The following SLC26A4 variants were observed in gnomAD, a reference collection of about 807,000 sequenced individuals.
SLC26A4 encodes the protein solute carrier family 26 member 4, also known as pendrin.
Under a neutral mutation model 90.4 loss-of-function variants are expected in SLC26A4, and 93 were observed. The observed-to-expected ratio is 1.03, with a 90% CI of 0.87 to 1.22. The LOEUF (loss-of-function observed/expected upper bound fraction) is 1.22, where lower values mean the gene tolerates loss of function less well. Among genes scored for constraint, SLC26A4 ranks in the 50% most tolerant of loss-of-function variants. The pLI is 0.00. For missense variants in SLC26A4, 1,127 were observed against 946.2 expected, an observed-to-expected ratio of 1.19 and a Z score of -2.51; for synonymous variants, 393 against 354.6, an observed-to-expected ratio of 1.11 and a Z score of -1.22.
intron 6 of SLC26A4, among the ~76,000 whole-genome samples, chr7:107,679,015 A>G (rs1450428133): frequency 1.3e-5 from 2 of 152,246 alleles, no homozygotes; most frequent in East Asian, 3.8e-4. Context: ...GAAGTAACAA[A>G]TGCAAAGAAA....
intron 3 of SLC26A4, among the ~76,000 whole-genome samples, chr7:107,666,380 C>A (rs1300163198): frequency 1.3e-5 from 2 of 152,066 alleles, no homozygotes; most frequent in Non-Finnish European, 2.9e-5. Flanking sequence ...TGCCACCATG[C>A]TTGGCTAATT....
chr7:107,687,987 T>C (rs1030676910), intron 8 of SLC26A4, among the ~76,000 whole-genome samples: 1 of 152,116 alleles, frequency 6.6e-6, no homozygotes, highest in African/African-American at 2.4e-5. Flanking sequence ...AAAATTAACC[T>C]CACTGGTAGG....
At chr7:107,685,085 G>C (rs563952670) in intron 8 of SLC26A4, among the ~76,000 whole-genome samples, 1 of 152,218 alleles carries the variant, frequency 6.6e-6, no homozygotes, top group South Asian at 2.1e-4. Context: ...GGTCAGCTTG[G>C]TCAGCTAATT....
intron 10 of SLC26A4, 76 bp from the exon 11 acceptor site, chr7:107,694,327 C>T (rs1198458667): frequency 9.2e-7 from 1 of 1,089,428 alleles, no homozygotes; most frequent in Non-Finnish European, 1.4e-6. Flanking sequence ...CAGGCTGTCT[C>T]ATACACACAT....
rs146393965 is a variant in SLC26A4 at position 107,704,048 on chromosome 7, A to G, written c.2035-283A>G. The stretch of plus-strand genomic sequence containing the variant: ...CCAATCAGCAGGGCCTATATTAAGA[A>G]GCCTCCTGTACTCTCTTCTTTCCAC... On this transcript the variant is annotated intron_variant, in intron 17 of 20. Coordinates refer to ENST00000644269, the MANE Select transcript of SLC26A4 (RefSeq NM_000441.2). 2.6e-5 allele frequency among the ~76,000 whole-genome samples: 4 copies of G among 152,310 alleles called. No individual in the cohort carries two copies. In the East Asian group the frequency reaches 7.7e-4, roughly 29 times the overall value.
At chr7:107,711,984 A>T (rs894044457) in intron 19 of SLC26A4, among the ~76,000 whole-genome samples, 1 of 152,214 alleles carries the variant, frequency 6.6e-6, no homozygotes, top group African/African-American at 2.4e-5. Context: ...TCCATGCAAA[A>T]CACAAAGCCA....
At chr7:107,708,547 G>A (rs2129319586) in intron 18 of SLC26A4, among the ~76,000 whole-genome samples, 1 of 152,154 alleles carries the variant, frequency 6.6e-6, no homozygotes, top group East Asian at 1.9e-4. Flanking sequence ...TGCCAAGCTA[G>A]AGTTAAGTTT....
rs199539680 is a variant in SLC26A4 at position 107,679,872 on chromosome 7, A to ATAT, written c.766-3326_766-3324dup. Among the ~76,000 whole-genome samples, 40 of 126,712 alleles carry ATAT rather than the reference A, an allele frequency of 3.2e-4. 3 individuals carry two copies. The highest frequency in any genetic ancestry group is 1.2e-3 in the African/African-American group (35 of 29,398). 83.1% of individuals were successfully genotyped at this position (126,712 alleles called of 152,430 possible). On this transcript the variant is annotated intron_variant, in intron 6 of 20. Transcript: ENST00000644269. ...TTATATTATTATATTATATAATCTT[A>ATAT]TATTATATAATCTTATCTTATATAA...
At chr7:107,671,162 CT>C (rs912172530) in intron 3 of SLC26A4, among the ~76,000 whole-genome samples, 46 of 150,438 alleles carry the variant, frequency 3.1e-4, no homozygotes, top group African/African-American at 4.1e-4. Flanking sequence ...TTGACCAAAA[CT>C]TTTTTTTTTC....
In SLC26A4 at chr7:107,661,729, C is replaced by G. The variant is rs1183206000; in HGVS notation, c.88C>G (p.Leu30Val). The G allele has an allele frequency of 6.4e-7, 1 of 1,556,986 alleles. No homozygotes were observed. The highest frequency in any genetic ancestry group is 8.7e-7 in the Non-Finnish European group (1 of 1,154,442). Residue 30 changes from leucine to valine, a missense_variant, in exon 2 of 21, where the codon CTC (leucine) becomes GTC (valine). Leu to Val is a conservative substitution (Grantham distance 32). Coordinates refer to ENST00000644269, the MANE Select transcript of SLC26A4 (RefSeq NM_000441.2). The surrounding 1 kb of genome is among the most constrained non-coding windows in gnomAD (Gnocchi z 5.1). ...GGTGTCGCGGCCGGTCTACAGCGAGCTCGCTTTCCAGCAACAGCACGAGCG... is the reference window on the plus strand; with the variant it reads ...GGTGTCGCGGCCGGTCTACAGCGAGGTCGCTTTCCAGCAACAGCACGAGCG... Reference protein sequence around the residue: ...YMVSRPVYSELAFQQQHERRL... With the variant: ...YMVSRPVYSEVAFQQQHERRL...
chr7:107,697,655 G>A (rs1791776277), intron 13 of SLC26A4, among the ~76,000 whole-genome samples: 1 of 152,190 alleles, frequency 6.6e-6, no homozygotes, highest in Non-Finnish European at 1.5e-5. Context: ...TTACCTCCAG[G>A]CCTTTTCTCA....
chr7:107,681,658 T>C (rs1791232942), intron 6 of SLC26A4, among the ~76,000 whole-genome samples: 1 of 152,200 alleles, frequency 6.6e-6, no homozygotes, highest in Non-Finnish European at 1.5e-5. Flanking sequence ...CTGAAGTTAA[T>C]ATAACAAAGA....
intron 6 of SLC26A4, among the ~76,000 whole-genome samples, chr7:107,675,739 AATTTTTGTAT>A (rs1791008412): frequency 6.6e-6 from 1 of 151,806 alleles, no homozygotes; most frequent in African/African-American, 2.4e-5. Flanking sequence ...ACACCCAGCT[AATTTTTGTAT>A]ATTTAGTAGA....
rs1792381141 is a variant in SLC26A4 at position 107,717,648 on chromosome 7, T to C, written c.*2202T>C. 1.3e-5 allele frequency: 2 copies of C among 152,662 alleles called. 1 individual carries two copies. The highest frequency in any genetic ancestry group is 4.1e-4 in the South Asian group (2 of 4,832). The allele number at this position is 152,662 out of a possible 1,614,324, so 9.5% of individuals were successfully genotyped here. On this transcript the variant is annotated 3_prime_UTR_variant, in exon 21 of 21. Transcript: ENST00000644269. Reference sequence around the variant, plus strand: ...AATTTCACTTGAAATTAAAGCTGCCTTTTGTTATATTTTTAACCTATAGGA... The same window carrying C: ...AATTTCACTTGAAATTAAAGCTGCCCTTTGTTATATTTTTAACCTATAGGA...
intron 8 of SLC26A4, among the ~76,000 whole-genome samples, chr7:107,687,749 C>G (rs1395373760): frequency 1.3e-5 from 2 of 152,186 alleles, no homozygotes; most frequent in African/African-American, 2.4e-5. Context: ...GGAAAGTTAT[C>G]CTGACAAGTC....
intron 2 of SLC26A4, among the ~76,000 whole-genome samples, chr7:107,662,853 A>T (rs548910315): frequency 3.3e-5 from 5 of 152,340 alleles, no homozygotes; most frequent in South Asian, 2.1e-4. Flanking sequence ...TCCTCATGCT[A>T]AGATTTTTGT....
At position 107,683,249 on chromosome 7, in the gene SLC26A4, T is replaced by C. The variant is rs2129314464; in HGVS notation, c.813T>C (p.Asp271=). 1 of 1,613,066 alleles carries C rather than the reference T, an allele frequency of 6.2e-7. No homozygotes were observed. Among genetic ancestry groups the C allele is most frequent in the Non-Finnish European group, 8.5e-7 (1 of 1,179,730 alleles). ...ATATTGGTGATACCAATCTTGCTGA[T>C]TTCACTGCTGGATTGCTCACCATTG... ...FQNIGDTNLA[D]FTAGLLTIVV... Residue 271 remains aspartate (D), a synonymous_variant, in exon 7 of 21, where the codon GAT becomes GAC. Transcript: ENST00000644269.
At chr7:107,673,479 A>T (rs1384305235) in intron 4 of SLC26A4, among the ~76,000 whole-genome samples, 1 of 152,026 alleles carries the variant, frequency 6.6e-6, no homozygotes, top group African/African-American at 2.4e-5. Flanking sequence ...AATTAATGAG[A>T]TTATATGAAA....
intron 8 of SLC26A4, among the ~76,000 whole-genome samples, chr7:107,688,267 T>C (rs1368861268): frequency 6.6e-6 from 1 of 152,220 alleles, no homozygotes; most frequent in East Asian, 1.9e-4. Flanking sequence ...AGTTTCCTTA[T>C]TAAAGAAACT....
Sources: allele counts gnomAD v4.1 joint callset (sites outside exome capture counted in the v4.1 genomes callset), GRCh38; gene constraint gnomAD v4.1.1; non-coding constraint Gnocchi (gnomAD v3.1); transcripts MANE v1.5; gene names NCBI Gene and HGNC (gene_info 2026-07-23, HGNC 2026-07-21).